Variants in RANBP2 observed in about 807,000 individuals in gnomAD.
The protein encoded by RANBP2 is E3 SUMO-protein ligase RanBP2.
RANBP2 carries 57 observed loss-of-function variants against 303.6 expected under a neutral mutation model. The observed-to-expected ratio is 0.19, with a 90% confidence interval of 0.15 to 0.23. The LOEUF (loss-of-function observed/expected upper bound fraction) is 0.23. Among genes scored for constraint, RANBP2 ranks in the 10% least tolerant of loss-of-function variants. RANBP2 has a pLI of 1.00. For synonymous variants in RANBP2, 1,167 were observed against 1,301.5 expected (o/e 0.90, Z 2.23); for missense variants, 3,138 against 3,780.8 (o/e 0.83, Z 4.46).
chr2:109,719,466 G>A, the RANBP2 span, among the ~76,000 whole-genome samples: 2 of 147,880 alleles, frequency 1.4e-5, no homozygotes, highest in East Asian at 4.0e-4. Flanking sequence ...GAGTGCAATG[G>A]TGGGATCCCC....
chr2:109,111,834 C>A, the RANBP2 span, among the ~76,000 whole-genome samples: 1 of 147,950 alleles, frequency 6.8e-6, no homozygotes, highest in African/African-American at 2.5e-5. Context: ...TTCCTGTGTC[C>A]ATGTGTTCTC....
the RANBP2 span, among the ~76,000 whole-genome samples, chr2:108,897,850 A>T: frequency 6.6e-6 from 1 of 152,234 alleles, no homozygotes; most frequent in Non-Finnish European, 1.5e-5. Flanking sequence ...AAAGCCCTGG[A>T]CATTCTGTGT....
the RANBP2 span, among the ~76,000 whole-genome samples, chr2:109,516,747 T>G: frequency 6.6e-6 from 1 of 152,246 alleles, no homozygotes; most frequent in Non-Finnish European, 1.5e-5. Flanking sequence ...ACCGAACAAT[T>G]CAAATTAAGG....
chr2:108,885,461 A>G, the RANBP2 span: 1 of 152,258 alleles, frequency 6.6e-6, no homozygotes, highest in Admixed American at 6.5e-5. Flanking sequence ...AAGTTATACA[A>G]TAAAATTGAA....
chr2:108,877,584 G>C, the RANBP2 span, among the ~76,000 whole-genome samples: 2 of 116,976 alleles, frequency 1.7e-5, no homozygotes, highest in East Asian at 3.1e-4. Flanking sequence ...AGGTGTCTCG[G>C]AACTCAGAGT....
chr2:109,629,715 G>T, the RANBP2 span, among the ~76,000 whole-genome samples: 1 of 151,684 alleles, frequency 6.6e-6, no homozygotes, highest in African/African-American at 2.4e-5. Context: ...GGAGGCTGAG[G>T]CAGAAGAATC....
the RANBP2 span, among the ~76,000 whole-genome samples, chr2:109,364,532 T>C: frequency 2.6e-5 from 4 of 152,224 alleles, no homozygotes; most frequent in Non-Finnish European, 5.9e-5. Flanking sequence ...CAGTATGTAC[T>C]GTGATATTTT....
the RANBP2 span, among the ~76,000 whole-genome samples, chr2:109,281,912 G>A: frequency 1.3e-5 from 2 of 152,190 alleles, no homozygotes; most frequent in Non-Finnish European, 2.9e-5. Flanking sequence ...AGATGGCCAT[G>A]TGGCAGGAGC....
At chr2:109,036,440 A>C in the RANBP2 span, among the ~76,000 whole-genome samples, 1 of 152,238 alleles carries the variant, frequency 6.6e-6, no homozygotes, top group Admixed American at 6.5e-5. Flanking sequence ...ATTTATCAAC[A>C]AAATTTTGTA....
chr2:109,594,941 G>A, the RANBP2 span: 3 of 151,952 alleles, frequency 2.0e-5, no homozygotes, highest in Non-Finnish European at 4.4e-5. Flanking sequence ...AGGCTGGAGT[G>A]CAGGGGTGCA....
At chr2:109,706,248 G>A in the RANBP2 span, among the ~76,000 whole-genome samples, 1 of 152,186 alleles carries the variant, frequency 6.6e-6, no homozygotes, top group African/African-American at 2.4e-5. Flanking sequence ...GCTCACACCG[G>A]CATTGCTGCC....
chr2:108,856,719 GCTTTTTTAC>G, the RANBP2 span: 1 of 1,369,908 alleles, frequency 7.3e-7, no homozygotes, highest in Admixed American at 2.3e-5. Context: ...TAACGACATT[GCTTTTTTAC>G]CTTCTGTTTC....
At chr2:108,944,478 A>G in the RANBP2 span, among the ~76,000 whole-genome samples, 4 of 152,186 alleles carry the variant, frequency 2.6e-5, no homozygotes, top group Admixed American at 1.3e-4. Flanking sequence ...AACAATGGCC[A>G]TGGAGCCAAT....
the RANBP2 span, among the ~76,000 whole-genome samples, chr2:109,276,641 C>T: frequency 6.6e-6 from 1 of 152,196 alleles, no homozygotes; most frequent in African/African-American, 2.4e-5. Context: ...GGCTAAGGCG[C>T]TGGACAAATC....
chr2:109,679,624 C>T, the RANBP2 span, among the ~76,000 whole-genome samples: 2 of 152,190 alleles, frequency 1.3e-5, no homozygotes, highest in Non-Finnish European at 2.9e-5. Context: ...TCTCTGGTTA[C>T]TTGGCTTCAA....
At chr2:108,987,723 A>C in the RANBP2 span, among the ~76,000 whole-genome samples, 2 of 152,162 alleles carry the variant, frequency 1.3e-5, no homozygotes, top group South Asian at 4.1e-4. Context: ...CCCCCGGCCA[A>C]TCGCCACCAG....
the RANBP2 span, among the ~76,000 whole-genome samples, chr2:109,136,650 C>G: frequency 6.6e-6 from 1 of 152,160 alleles, no homozygotes; most frequent in South Asian, 2.1e-4. Context: ...CAAGAAGAGT[C>G]ACTGCGCTCT....
chr2:109,383,781 G>A, the RANBP2 span, among the ~76,000 whole-genome samples: 1 of 152,184 alleles, frequency 6.6e-6, no homozygotes, highest in Non-Finnish European at 1.5e-5. Flanking sequence ...GCAATTAAGA[G>A]TCTTAGTTTG....
chr2:108,877,865 G>T, the RANBP2 span, among the ~76,000 whole-genome samples: 1 of 152,146 alleles, frequency 6.6e-6, no homozygotes, highest in African/African-American at 2.4e-5. Flanking sequence ...AAGGATAAAA[G>T]CACAAACAAA....
Sources: allele counts gnomAD v4.1 joint callset (sites outside exome capture counted in the v4.1 genomes callset), GRCh38; gene constraint gnomAD v4.1.1; transcripts MANE v1.5; gene names NCBI Gene and HGNC (gene_info 2026-07-23, HGNC 2026-07-21).